Variants in FAM47E observed in about 807,000 individuals in gnomAD.
FAM47E encodes family with sequence similarity 47 member E.
Under a neutral mutation model 41.6 loss-of-function variants are expected in FAM47E, and 32 were observed. The ratio of observed to expected loss-of-function variants is 0.77; its 90% CI spans 0.58 to 1.03. The LOEUF is 1.03. FAM47E is among the 50% of genes least tolerant of loss of function. The pLI is 0.00. For missense variants in FAM47E, 424 were observed against 485.4 expected, an observed-to-expected ratio of 0.87 and a Z score of 1.19; for synonymous variants, 184 against 188.7, an observed-to-expected ratio of 0.98 and a Z score of 0.20.
At chr4:76,248,169 C>T (rs1733872768), upstream of FAM47E, among the ~76,000 whole-genome samples, 1 of 152,014 alleles carries the variant, frequency 6.6e-6, no homozygotes, top group South Asian at 2.1e-4. Context: ...CCATCTCAGC[C>T]TCCCAAAGTG....
chr4:76,214,638 C>T (rs1733165394), intron 1 of FAM47E, among the ~76,000 whole-genome samples: 1 of 152,166 alleles, frequency 6.6e-6, no homozygotes, highest in African/African-American at 2.4e-5. Flanking sequence ...CTGCTTTGCT[C>T]ACTGTGGTGT....
chr4:76,225,425 T>C (rs1227290231), intron 2 of FAM47E, among the ~76,000 whole-genome samples: 1 of 152,218 alleles, frequency 6.6e-6, no homozygotes, highest in Non-Finnish European at 1.5e-5. Context: ...TAGTACAATG[T>C]TGAATAGCAG....
intron 2 of FAM47E, among the ~76,000 whole-genome samples, chr4:76,217,938 AT>A (rs946466091): frequency 7.9e-5 from 12 of 152,364 alleles, no homozygotes; most frequent in Admixed American, 3.3e-4. Context: ...TCTACCTTAA[AT>A]TTAGAATGTT....
chr4:76,278,302 ACT>A, intron 6 of FAM47E, 78 bp downstream of exon 6: 3 of 1,383,616 alleles, frequency 2.2e-6, no homozygotes, highest in Non-Finnish European at 2.8e-6. Flanking sequence ...ACTGAACCAG[ACT>A]CTGCGGCGTA....
chr4:76,256,131 C>T, intron 1 of FAM47E, 47 bp from the exon 2 acceptor site: 2 of 1,516,162 alleles, frequency 1.3e-6, no homozygotes, highest in Non-Finnish European at 1.8e-6. Context: ...TTAATATGAA[C>T]AGGCATGTGG....
intron 2 of FAM47E, among the ~76,000 whole-genome samples, chr4:76,261,741 T>G (rs1185348324): frequency 2.0e-5 from 3 of 152,114 alleles, no homozygotes; most frequent in Non-Finnish European, 4.4e-5. Flanking sequence ...ATTTGAGTGA[T>G]GGGTTCACTA....
intron 2 of FAM47E, among the ~76,000 whole-genome samples, chr4:76,227,462 T>C (rs1259152228): frequency 6.6e-6 from 1 of 152,242 alleles, no homozygotes; most frequent in Non-Finnish European, 1.5e-5. Flanking sequence ...GCCTATCATA[T>C]GGTCTATCTT....
intron 2 of FAM47E, chr4:76,217,698 T>C (rs1733234792): frequency 5.1e-6 from 3 of 590,908 alleles, no homozygotes; most frequent in Admixed American, 2.5e-5. Context: ...GGTATTGTTA[T>C]AGCAACACAA....
At chr4:76,248,331 T>C (rs1397456379), upstream of FAM47E, among the ~76,000 whole-genome samples, 2 of 151,932 alleles carry the variant, frequency 1.3e-5, no homozygotes, top group African/African-American at 4.8e-5. Flanking sequence ...TAAGAAGCCA[T>C]TGCCAAATTC....
At chr4:76,238,006 T>C (rs1347293265) in intron 2 of FAM47E, among the ~76,000 whole-genome samples, 3 of 152,180 alleles carry the variant, frequency 2.0e-5, no homozygotes, top group Non-Finnish European at 4.4e-5. Flanking sequence ...ATAGTTGAGT[T>C]TGCAGTGTAG....
Position 76,263,863 on chromosome 4 carries a change from CT to C in FAM47E, c.560+22del. ...GGGACCGTGAGTATTGTTCTTAACC[CT>C]TCGATCATTGCTGTCACCTGATGAA... On this transcript the variant is annotated intron_variant, in intron 3 of 7. Transcript: ENST00000424749. 6.5e-7 allele frequency: 1 copy of C among 1,548,386 alleles called. No individual in the cohort carries two copies. The highest frequency in any genetic ancestry group is 8.7e-7 in the Non-Finnish European group (1 of 1,145,396).
chr4:76,222,947 C>T (rs1281296392), intron 2 of FAM47E, among the ~76,000 whole-genome samples: 1 of 152,112 alleles, frequency 6.6e-6, no homozygotes, highest in African/African-American at 2.4e-5. Context: ...GGTGAAGCCT[C>T]GTGCATGGGA....
intron 2 of FAM47E, 102 bp downstream of exon 2, chr4:76,256,625 A>G (rs1322425977): frequency 7.4e-7 from 1 of 1,351,256 alleles, no homozygotes; most frequent in Non-Finnish European, 9.9e-7. Context: ...CATATTTATA[A>G]GAGGAGTGAT....
intron 6 of FAM47E, chr4:76,279,367 A>G (rs1263333613): frequency 1.3e-5 from 2 of 152,224 alleles, no homozygotes; most frequent in Admixed American, 6.5e-5. Context: ...TTTTAAAAGC[A>G]TATTCTTAAT....
At position 76,256,211 on chromosome 4, in the gene FAM47E, C is replaced by T. The variant is rs1416448276; in HGVS notation, c.108C>T (p.Phe36=). The T allele has an allele frequency of 1.3e-6, 2 of 1,551,640 alleles. No individual in the cohort carries two copies. Among genetic ancestry groups the T allele is most frequent in the African/African-American group, 1.4e-5 (1 of 73,134 alleles). The change falls in exon 2 of 8, where the codon TTC becomes TTT. Residue 36 remains phenylalanine, a synonymous_variant. Coordinates refer to ENST00000424749, the MANE Select transcript of FAM47E (RefSeq NM_001136570.3). Reference sequence around the variant, plus strand: ...CAAAGCACAAGAACGGGCTGAAGTTCCCCACCTCTCTGCACAGCCGGCAGT... The same window carrying T: ...CAAAGCACAAGAACGGGCTGAAGTTTCCCACCTCTCTGCACAGCCGGCAGT... ...CFTKHKNGLK[F]PTSLHSRQLV... is the part of the protein sequence containing the mutation.
intron 1 of FAM47E, among the ~76,000 whole-genome samples, chr4:76,216,467 C>A (rs1173946026): frequency 6.6e-6 from 1 of 152,212 alleles, no homozygotes; most frequent in Non-Finnish European, 1.5e-5. Context: ...TAGGTACCCA[C>A]TCCTCCCATC....
chr4:76,283,389 G>A lies in FAM47E; in HGVS notation c.1113G>A (p.Glu371=), dbSNP rs965217056. 1 of 1,542,868 alleles carries A rather than the reference G, an allele frequency of 6.5e-7. No individual in the cohort carries two copies. The highest frequency in any genetic ancestry group is 1.4e-5 in the African/African-American group (1 of 72,794). The change falls in exon 8 of 8, where the codon GAG becomes GAA. Residue 371 remains glutamate (E), a synonymous_variant. Coordinates refer to ENST00000424749, the MANE Select transcript of FAM47E (RefSeq NM_001136570.3). ...CTCTCATTTTTTTTTAGTTCCTTGA[G>A]AATATGTATATCGGGAAGGAATGTA... ...SRGYRTPRFL[E]NMYIGKECKR... is the part of the protein sequence containing the mutation.
intron 3 of FAM47E, chr4:76,267,741 G>A (rs1578791915): frequency 6.6e-6 from 1 of 152,186 alleles, no homozygotes; most frequent in East Asian, 1.9e-4. Flanking sequence ...GCTACAACAT[G>A]GATGAGCCTT....
chr4:76,238,322 C>T (rs1042862575), intron 2 of FAM47E, among the ~76,000 whole-genome samples: 4 of 152,154 alleles, frequency 2.6e-5, no homozygotes, highest in Non-Finnish European at 5.9e-5. Flanking sequence ...TCTCTACCTC[C>T]GCTTCCCTGT....
Sources: allele counts gnomAD v4.1 joint callset (sites outside exome capture counted in the v4.1 genomes callset), GRCh38; gene constraint gnomAD v4.1.1; transcripts MANE v1.5; gene names NCBI Gene and HGNC (gene_info 2026-07-23, HGNC 2026-07-21).